UTRN: variants seen among roughly 807,000 people sequenced by gnomAD.
UTRN encodes dystrophin-related protein 1.
UTRN carries 283 observed loss-of-function variants against 463.9 expected under a neutral mutation model. The observed-to-expected ratio is 0.61, with a 90% CI of 0.55 to 0.67. UTRN has a LOEUF of 0.67. Among genes scored for constraint, UTRN ranks in the 30% least tolerant of loss-of-function variants. The probability of loss-of-function intolerance (pLI) is 0.00; values close to 1 mark genes in which losing one functional copy is unlikely to be tolerated. For synonymous variants in UTRN, 1,442 were observed against 1,431.5 expected (o/e 1.01, Z -0.17); for missense variants, 3,922 against 4,084.3 (o/e 0.96, Z 1.08).
chr6:144,415,226 G>C (rs999178023), intron 3 of UTRN, among the ~76,000 whole-genome samples: 1 of 152,162 alleles, frequency 6.6e-6, no homozygotes, highest in African/African-American at 2.4e-5. Context: ...TTTGCACAAT[G>C]ATGAAATCAC....
chr6:144,821,080 T>A, intron 66 of UTRN, 62 bp downstream of exon 66: 2 of 1,558,924 alleles, frequency 1.3e-6, no homozygotes, highest in Non-Finnish European at 1.7e-6. Context: ...GTCTTTTTTA[T>A]GTTAGTAACA....
At chr6:144,779,855 G>T (rs17802881) in intron 60 of UTRN, among the ~76,000 whole-genome samples, 1,774 of 151,562 alleles carry the variant, frequency 0.012, 16 homozygotes, top group Middle Eastern at 0.02. Context: ...ACTTATTTTT[G>T]TTATTAGCTT....
intron 9 of UTRN, among the ~76,000 whole-genome samples, chr6:144,430,020 T>C (rs997856960): frequency 6.6e-6 from 1 of 152,224 alleles, no homozygotes; most frequent in African/African-American, 2.4e-5. Context: ...TGGGAATCTA[T>C]GTTTTCACAT....
intron 53 of UTRN, among the ~76,000 whole-genome samples, chr6:144,712,764 C>T (rs758328630): frequency 1.3e-4 from 20 of 152,118 alleles, no homozygotes; most frequent in Non-Finnish European, 2.6e-4. Context: ...ACATGAATCA[C>T]GATTATTTGT....
chr6:144,374,490 T>A (rs1780271507), intron 2 of UTRN, among the ~76,000 whole-genome samples: 1 of 136,964 alleles, frequency 7.3e-6, no homozygotes, highest in Admixed American at 7.4e-5. Flanking sequence ...AAAAACACAA[T>A]TTTTTTTTTT....
At chr6:144,544,191 A>G (rs1798209117) in intron 46 of UTRN, among the ~76,000 whole-genome samples, 1 of 152,198 alleles carries the variant, frequency 6.6e-6, no homozygotes. Flanking sequence ...TAGGCCTGAG[A>G]CCTGAAGCTA....
intron 53 of UTRN, 74 bp from the exon 54 acceptor site, chr6:144,730,283 G>T (rs1788376934): frequency 2.1e-6 from 3 of 1,400,958 alleles, no homozygotes; most frequent in Admixed American, 4.8e-5. Context: ...GTCAGAAGTG[G>T]TATAGTTGAA....
chr6:144,572,518 G>A lies in UTRN; in HGVS notation c.7290-4581G>A, dbSNP rs181641338. On this transcript the variant is annotated intron_variant, in intron 50 of 74. Coordinates refer to ENST00000367545, the MANE Select transcript of UTRN (RefSeq NM_007124.3). ...TAGGTTTTAAGCCCCGCATGCATTAGGCATTTGTCCTAATGCTCTCCCTTC... is the reference window on the plus strand; with the variant it reads ...TAGGTTTTAAGCCCCGCATGCATTAAGCATTTGTCCTAATGCTCTCCCTTC... Among the ~76,000 whole-genome samples the A allele has an allele frequency of 2.1e-4, 32 of 152,076 alleles. No individual in the cohort carries two copies. In the East Asian group the frequency reaches 5.4e-3, roughly 26 times the overall value.
rs78123183 is a variant in UTRN at position 144,743,315 on chromosome 6, A to G, written c.7940-4931A>G. Among the ~76,000 whole-genome samples the G allele has an allele frequency of 6.1e-3, 935 of 152,352 alleles. 7 individuals carry two copies. The highest frequency in any genetic ancestry group is 0.02 in the African/African-American group (848 of 41,588). Reference sequence around the variant, plus strand: ...AACACCATACATATGGGAAATGTTTATTAAACAATAACACTGGGCGAATTC... The same window carrying G: ...AACACCATACATATGGGAAATGTTTGTTAAACAATAACACTGGGCGAATTC... On this transcript the variant is annotated intron_variant, in intron 54 of 74. Coordinates refer to ENST00000367545, the MANE Select transcript of UTRN (RefSeq NM_007124.3).
chr6:144,532,404 C>T (rs927078960), intron 42 of UTRN, among the ~76,000 whole-genome samples: 21 of 152,246 alleles, frequency 1.4e-4, no homozygotes, highest in African/African-American at 4.3e-4. Context: ...GGGAAAGAAA[C>T]ATGTCCTTCT....
At chr6:144,817,114 G>C (rs1338911102) in intron 65 of UTRN, among the ~76,000 whole-genome samples, 3 of 152,130 alleles carry the variant, frequency 2.0e-5, no homozygotes, top group Non-Finnish European at 4.4e-5. Flanking sequence ...TACTGAACTT[G>C]GTTGGAGTCC....
At chr6:144,290,752 C>CTTTTTTT (rs200477118) in intron 1 of UTRN, among the ~76,000 whole-genome samples, 5 of 99,168 alleles carry the variant, frequency 5.0e-5, no homozygotes, top group Admixed American at 1.1e-4. Context: ...CCACAATCGT[C>CTTTTTTT]TTTTTTTTTT....
chr6:144,612,711 G>A (rs1312175390), intron 51 of UTRN, among the ~76,000 whole-genome samples: 2 of 152,088 alleles, frequency 1.3e-5, no homozygotes, highest in African/African-American at 2.4e-5. Flanking sequence ...ACTGGTGTTG[G>A]AGAAGATACA....
At position 144,732,281 on chromosome 6, in the gene UTRN, CACATATATATATATACACATAT is replaced by C. The variant is rs1562833151; in HGVS notation, c.7939+1797_7939+1818del. Among the ~76,000 whole-genome samples, 356 of 117,932 alleles carry C rather than the reference CACATATATATATATACACATAT, an allele frequency of 3.0e-3. 3 individuals carry two copies. Among genetic ancestry groups the C allele is most frequent in the African/African-American group, 0.012 (337 of 27,260 alleles). 77.4% of individuals were successfully genotyped at this position (117,932 alleles called of 152,430 possible). On this transcript the variant is annotated intron_variant, in intron 54 of 74. Coordinates refer to ENST00000367545, the MANE Select transcript of UTRN (RefSeq NM_007124.3). ...ATACACACATATATATATATATACA[CACATATATATATATACACATAT>C]ATATATATAAAAAATGTATACACAC...
intron 12 of UTRN, among the ~76,000 whole-genome samples, chr6:144,439,893 T>C (rs1233392656): frequency 6.6e-6 from 1 of 152,204 alleles, no homozygotes; most frequent in Admixed American, 6.5e-5. Flanking sequence ...CTTTAACTGC[T>C]TTATTGGGTA....
At chr6:144,618,951 C>G (rs1428595427) in intron 51 of UTRN, among the ~76,000 whole-genome samples, 1 of 151,998 alleles carries the variant, frequency 6.6e-6, no homozygotes, top group African/African-American at 2.4e-5. Flanking sequence ...ATTCTTTCAA[C>G]AAGAGCCTTT....
At chr6:144,499,459 G>C in intron 34 of UTRN, 32 bp downstream of exon 34, 2 of 1,564,946 alleles carry the variant, frequency 1.3e-6, no homozygotes, top group Non-Finnish European at 1.7e-6. Context: ...ACACCAGCAT[G>C]ATGCCAGCGT....
At chr6:144,340,957 A>G (rs1777095685) in intron 2 of UTRN, among the ~76,000 whole-genome samples, 1 of 152,216 alleles carries the variant, frequency 6.6e-6, no homozygotes, top group Non-Finnish European at 1.5e-5. Flanking sequence ...GTGTGTGTTC[A>G]ATGGTTTGCT....
intron 50 of UTRN, among the ~76,000 whole-genome samples, chr6:144,561,289 G>C (rs1799887349): frequency 7.4e-6 from 1 of 134,724 alleles, no homozygotes; most frequent in Admixed American, 7.6e-5. Flanking sequence ...ATACACACCT[G>C]TGTAACACAC....
Sources: allele counts gnomAD v4.1 joint callset (sites outside exome capture counted in the v4.1 genomes callset), GRCh38; gene constraint gnomAD v4.1.1; transcripts MANE v1.5; gene names NCBI Gene and HGNC (gene_info 2026-07-23, HGNC 2026-07-21).